Variants in ERLIN1 observed in about 807,000 individuals in gnomAD.
ERLIN1 encodes the protein erlin-1.
Under a neutral mutation model 46.9 loss-of-function variants are expected in ERLIN1, and 24 were observed. The observed-to-expected ratio is 0.51, with a 90% CI of 0.37 to 0.72. The LOEUF is 0.72. ERLIN1 is among the 30% of genes least tolerant of loss of function. ERLIN1 has a pLI of 0.00. For synonymous variants in ERLIN1, 158 were observed against 143.2 expected, an observed-to-expected ratio of 1.10 and a Z score of -0.74; for missense variants, 293 against 417.9, an observed-to-expected ratio of 0.70 and a Z score of 2.61.
intron 5 of ERLIN1, among the ~76,000 whole-genome samples, chr10:100,174,907 G>T (rs144490394): frequency 5.3e-5 from 8 of 152,248 alleles, no homozygotes; most frequent in African/African-American, 1.7e-4. Context: ...TGGTACTTTC[G>T]CTATTTAAAT....
At chr10:100,182,130 A>C (rs920338841) in intron 2 of ERLIN1, among the ~76,000 whole-genome samples, 5 of 151,902 alleles carry the variant, frequency 3.3e-5, no homozygotes, top group African/African-American at 1.2e-4. Flanking sequence ...TAACATACTA[A>C]GCATGAAGGC....
intron 8 of ERLIN1, among the ~76,000 whole-genome samples, chr10:100,157,013 T>TCAAAAA (rs1212710560): frequency 2.6e-5 from 4 of 151,510 alleles, no homozygotes; most frequent in South Asian, 2.1e-4. Flanking sequence ...AGGCCCTGCC[T>TCAAAAA]CAAAAACAAA....
intron 3 of ERLIN1, among the ~76,000 whole-genome samples, 159 bp downstream of exon 3, chr10:100,179,042 C>G (rs929352161): frequency 6.6e-6 from 1 of 152,184 alleles, no homozygotes; most frequent in African/African-American, 2.4e-5. Flanking sequence ...TGGAAAAGCT[C>G]CTATTTGGAG....
At chr10:100,167,000 C>G (rs1843679958) in intron 7 of ERLIN1, among the ~76,000 whole-genome samples, 1 of 152,230 alleles carries the variant, frequency 6.6e-6, no homozygotes, top group African/African-American at 2.4e-5. Flanking sequence ...TATGAGCACT[C>G]TCTTCAACCC....
Position 100,164,220 on chromosome 10 carries a change from T to C in ERLIN1, c.564-125A>G, listed in dbSNP as rs1018353078. 1.5e-5 allele frequency: 9 copies of C among 610,692 alleles called. No homozygotes were observed. The African/African-American group carries it at 1.5e-4, about 10-fold the overall frequency. 37.8% of individuals were successfully genotyped at this position (610,692 alleles called of 1,614,324 possible). Reference sequence around the variant, plus strand: ...ACATGAGCTTTTGGACCCATTAAGGTAGGTTAAGAGAGGTGTTACTTTATT... The same window carrying C: ...ACATGAGCTTTTGGACCCATTAAGGCAGGTTAAGAGAGGTGTTACTTTATT... On this transcript the variant is annotated intron_variant, in intron 7 of 10. Transcript: ENST00000421367.
In ERLIN1 at chr10:100,178,206, GA is replaced by G. The variant is rs1447040274; in HGVS notation, c.243-13del. On this transcript the variant is annotated splice_polypyrimidine_tract_variant and intron_variant, in intron 3 of 10. Coordinates refer to ENST00000421367, the MANE Select transcript of ERLIN1 (RefSeq NM_006459.4). ...TCATGACCCCACCACTAAAAACAAA[GA>G]AAAAAAGTGTGAACTACTAAAGGCA... 7 of 1,548,976 alleles carry G rather than the reference GA, an allele frequency of 4.5e-6. No individual in the cohort carries two copies. Among genetic ancestry groups the G allele is most frequent in the African/African-American group, 2.7e-5 (2 of 73,204 alleles).
chr10:100,173,007 T>C, intron 6 of ERLIN1, among the ~76,000 whole-genome samples: 1 of 152,198 alleles, frequency 6.6e-6, no homozygotes, highest in East Asian at 1.9e-4. Context: ...AAGTTACCTC[T>C]GGACATTTCA....
intron 9 of ERLIN1, 118 bp downstream of exon 9, chr10:100,156,027 C>G: frequency 3.1e-6 from 2 of 638,652 alleles, no homozygotes; most frequent in Non-Finnish European, 5.7e-6. Context: ...GCTATTTCCT[C>G]CAGACCAGAT....
At chr10:100,154,785 C>A in intron 10 of ERLIN1, 75 bp downstream of exon 10, 1 of 1,136,242 alleles carries the variant, frequency 8.8e-7, no homozygotes, top group South Asian at 1.3e-5. Flanking sequence ...TCACTTCTAT[C>A]ATATCAGAGC....
At chr10:100,163,978 C>CA (rs1843498682) in intron 8 of ERLIN1, 26 bp downstream of exon 8, 3 of 1,436,296 alleles carry the variant, frequency 2.1e-6, no homozygotes, top group South Asian at 2.3e-5. Context: ...TACTTAGAGA[C>CA]AATCATTTCA....
chr10:100,155,097 A>G (rs1403729541), intron 9 of ERLIN1, among the ~76,000 whole-genome samples, 158 bp from the exon 10 acceptor site: 4 of 152,206 alleles, frequency 2.6e-5, no homozygotes, highest in African/African-American at 7.2e-5. Flanking sequence ...CAACTTCTCT[A>G]CGAGGAATAC....
Position 100,151,387 on chromosome 10 carries a change from G to A in ERLIN1, c.*744C>T, listed in dbSNP as rs1263121275. The A allele has an allele frequency of 2.6e-5, 4 of 153,278 alleles. No homozygotes were observed. Among genetic ancestry groups the A allele is most frequent in the Non-Finnish European group, 5.8e-5 (4 of 68,780 alleles). 9.5% of individuals were successfully genotyped at this position (153,278 alleles called of 1,614,324 possible). A position where few individuals can be genotyped will look rare whatever the true frequency, so the allele number is the denominator to read the frequency against. ...ATCAACCCAATGCAGGGAATGCAAG[G>A]CCCCAGAGCTTTGGCTCAGAGCAAA... On this transcript the variant is annotated 3_prime_UTR_variant, in exon 11 of 11. Transcript: ENST00000421367.
chr10:100,181,464 T>C (rs1003835778), intron 2 of ERLIN1, among the ~76,000 whole-genome samples: 2 of 151,996 alleles, frequency 1.3e-5, no homozygotes, highest in African/African-American at 4.8e-5. Context: ...TCTAATATGT[T>C]CCAAAAATTC....
chr10:100,169,885 G>T (rs1176406160), intron 6 of ERLIN1, among the ~76,000 whole-genome samples: 1 of 152,166 alleles, frequency 6.6e-6, no homozygotes, highest in Non-Finnish European at 1.5e-5. Flanking sequence ...AGATGTGGGG[G>T]TGTGTACCTG....
chr10:100,150,192 G>A lies in ERLIN1; in HGVS notation c.*1939C>T, dbSNP rs78851216. ...GATTACAGTGTATATTTGCCAAAAG[G>A]AACACCCCGAAAGACGGCCAGCCTC... On this transcript the variant is annotated 3_prime_UTR_variant, in exon 11 of 11. Coordinates refer to ENST00000421367, the MANE Select transcript of ERLIN1 (RefSeq NM_006459.4). 1 of 152,070 alleles carries A rather than the reference G, an allele frequency of 6.6e-6. No homozygotes were observed. The highest frequency in any genetic ancestry group is 6.6e-5 in the Admixed American group (1 of 15,266). The allele number at this position is 152,070 out of a possible 1,614,324, so 9.4% of individuals were successfully genotyped here.
Position 100,185,718 on chromosome 10 carries a change from C to G in ERLIN1, c.-92G>C. On this transcript the variant is annotated 5_prime_UTR_variant, in exon 1 of 11. Transcript: ENST00000421367. ...AGTTTCTACCCTCTCCCTCCGGAAA[C>G]TTGGCGCTCTCTCGCAGGCTGAGCC... The G allele has an allele frequency of 9.7e-7, 1 of 1,030,988 alleles. No individual in the cohort carries two copies. The highest frequency in any genetic ancestry group is 1.5e-6 in the Non-Finnish European group (1 of 662,650). 63.9% of individuals were successfully genotyped at this position (1,030,988 alleles called of 1,614,324 possible).
At chr10:100,158,832 A>G (rs1843207283) in intron 8 of ERLIN1, among the ~76,000 whole-genome samples, 1 of 152,192 alleles carries the variant, frequency 6.6e-6, no homozygotes, top group South Asian at 2.1e-4. Flanking sequence ...AGTAAAAGGA[A>G]GAAAAGAAAA....
chr10:100,164,141 G>A, intron 7 of ERLIN1, 46 bp from the exon 8 acceptor site: 2 of 1,290,604 alleles, frequency 1.5e-6, no homozygotes, highest in African/African-American at 1.5e-5. Flanking sequence ...TCTCCTATGT[G>A]CAGTCACAGC....
intron 1 of ERLIN1, 68 bp downstream of exon 1, chr10:100,185,446 C>G (rs187828333): frequency 1.9e-5 from 24 of 1,251,808 alleles, no homozygotes; most frequent in Middle Eastern, 3.8e-4. Flanking sequence ...GAACAACTTC[C>G]CAGACTCCAC....
Sources: allele counts gnomAD v4.1 joint callset (sites outside exome capture counted in the v4.1 genomes callset), GRCh38; gene constraint gnomAD v4.1.1; transcripts MANE v1.5; gene names NCBI Gene and HGNC (gene_info 2026-07-23, HGNC 2026-07-21).